Variants in CCNH observed in about 807,000 individuals in gnomAD.
CCNH encodes cyclin-H.
In CCNH, 31 loss-of-function variants were observed where a neutral mutation model predicts 41.9. That is an observed-to-expected ratio of 0.74 (90% CI 0.56 to 1.00). CCNH has a LOEUF of 1.00. CCNH is among the 50% of genes least tolerant of loss of function. The probability of loss-of-function intolerance (pLI) is 0.00; values close to 1 mark genes in which losing one functional copy is unlikely to be tolerated. For synonymous variants in CCNH, 138 were observed against 136.1 expected (o/e 1.01, Z -0.10); for missense variants, 362 against 388.4 (o/e 0.93, Z 0.57).
chr5:87,395,245 T>A lies in CCNH; in HGVS notation c.873-141A>T, dbSNP rs1400617087. 1.2e-5 allele frequency: 7 copies of A among 586,136 alleles called. No individual in the cohort carries two copies. The East Asian group carries it at 1.7e-4, about 14-fold the overall frequency. The allele number at this position is 586,136 out of a possible 1,614,324, so 36.3% of individuals were successfully genotyped here. ...GGATAAATGGAAAAAGATAAACAGC[T>A]ATGGGGTAGGGAAAATGATACTTTT... On this transcript the variant is annotated intron_variant, in intron 7 of 8. Transcript: ENST00000256897.
chr5:87,372,056 T>C (rs1345528773), downstream of CCNH: 6 of 1,437,002 alleles, frequency 4.2e-6, no homozygotes, highest in African/African-American at 7.3e-5. Flanking sequence ...AAAACCTAAC[T>C]GATGATTTGG....
chr5:87,405,278 C>G (rs1022704183), intron 4 of CCNH, among the ~76,000 whole-genome samples: 1 of 152,170 alleles, frequency 6.6e-6, no homozygotes, highest in South Asian at 2.1e-4. Context: ...AAATGCTTCT[C>G]TCAGGCAACC....
chr5:87,404,037 A>G (rs1198900767), intron 5 of CCNH, among the ~76,000 whole-genome samples: 1 of 152,258 alleles, frequency 6.6e-6, no homozygotes, highest in African/African-American at 2.4e-5. Context: ...TGCAGAGAAC[A>G]GGCATATCAT....
chr5:87,322,102 A>G (rs1362189628), intron 9 of CCNH, among the ~76,000 whole-genome samples: 1 of 152,116 alleles, frequency 6.6e-6, no homozygotes, highest in Non-Finnish European at 1.5e-5. Flanking sequence ...TGGATCCCTC[A>G]TGAATGGTTT....
chr5:87,398,204 T>C (rs1763112651), intron 7 of CCNH, among the ~76,000 whole-genome samples: 1 of 152,198 alleles, frequency 6.6e-6, no homozygotes, highest in Non-Finnish European at 1.5e-5. Context: ...ATAACTATAA[T>C]AAAACAACCT....
chr5:87,365,835 G>A (rs1174265279), intron 9 of CCNH, among the ~76,000 whole-genome samples: 2 of 151,898 alleles, frequency 1.3e-5, no homozygotes, highest in Admixed American at 1.3e-4. Flanking sequence ...CTGATGATGA[G>A]GCTTCACGAT....
downstream of CCNH, among the ~76,000 whole-genome samples, chr5:87,388,739 T>G (rs759740615): frequency 1.5e-4 from 23 of 152,194 alleles, no homozygotes; most frequent in Non-Finnish European, 1.2e-4. Context: ...TCATTGCATT[T>G]TCATAGTGCA....
chr5:87,401,265 C>A (rs1451622674), intron 6 of CCNH, among the ~76,000 whole-genome samples: 1 of 152,248 alleles, frequency 6.6e-6, no homozygotes, highest in African/African-American at 2.4e-5. Context: ...TTAATTCTTT[C>A]TCTGCTGTCT....
intron 9 of CCNH, among the ~76,000 whole-genome samples, chr5:87,370,631 G>C (rs1401952029): frequency 6.6e-6 from 1 of 152,114 alleles, no homozygotes; most frequent in Non-Finnish European, 1.5e-5. Context: ...CTGTAAGCCA[G>C]CCTAGGCAAC....
intron 9 of CCNH, among the ~76,000 whole-genome samples, chr5:87,329,575 T>C (rs765012538): frequency 2.0e-5 from 3 of 152,202 alleles, no homozygotes; most frequent in Non-Finnish European, 4.4e-5. Flanking sequence ...ATTTCAATGG[T>C]AAGTTCAAAA....
At chr5:87,355,506 A>G (rs971084217) in intron 9 of CCNH, among the ~76,000 whole-genome samples, 1 of 152,198 alleles carries the variant, frequency 6.6e-6, no homozygotes. Flanking sequence ...AATTCCTTTG[A>G]AAATGTTACT....
At chr5:87,335,720 C>T (rs1194291676) in intron 9 of CCNH, among the ~76,000 whole-genome samples, 2 of 152,164 alleles carry the variant, frequency 1.3e-5, no homozygotes, top group African/African-American at 4.8e-5. Context: ...GCCATCGTGG[C>T]TGGCCAAGAA....
chr5:87,331,526 C>T lies in CCNH; in HGVS notation c.*91-12629G>A, dbSNP rs778912354. The stretch of plus-strand genomic sequence containing the variant: ...GTAAGTCTTTATTCCTATTATGAAG[C>T]CAAATGATGTAGCTATTTTGATATA... On this transcript the variant is annotated intron_variant and NMD_transcript_variant, in intron 9 of 9. Coordinates refer to the CCNH transcript ENST00000645953. 3.1e-6 allele frequency: 5 copies of T among 1,605,746 alleles called. No individual in the cohort carries two copies. In the East Asian group the frequency reaches 8.9e-5, roughly 29 times the overall value.
At chr5:87,316,783 C>T (rs141766701), downstream of CCNH, among the ~76,000 whole-genome samples, 11 of 152,164 alleles carry the variant, frequency 7.2e-5, no homozygotes, top group East Asian at 1.9e-3. Context: ...CTGATTTCTT[C>T]TTGCATGTGA....
At chr5:87,406,947 T>C (rs1490151479) in intron 4 of CCNH, among the ~76,000 whole-genome samples, 1 of 152,212 alleles carries the variant, frequency 6.6e-6, no homozygotes, top group Admixed American at 6.5e-5. Context: ...TTTAAACCTT[T>C]CACTAGCTTC....
At chr5:87,355,267 G>C (rs1240206930) in intron 9 of CCNH, among the ~76,000 whole-genome samples, 1 of 152,116 alleles carries the variant, frequency 6.6e-6, no homozygotes, top group Non-Finnish European at 1.5e-5. Flanking sequence ...AAGCTTCAAA[G>C]GTCAGGCTGA....
intron 1 of CCNH, 80 bp downstream of exon 1, chr5:87,412,598 G>A: frequency 6.4e-7 from 1 of 1,567,644 alleles, no homozygotes; most frequent in Non-Finnish European, 8.7e-7. Context: ...GAGCGAGATT[G>A]TCCTGGGAGC....
chr5:87,412,025 A>G (rs1190911381), intron 1 of CCNH, among the ~76,000 whole-genome samples: 1 of 152,220 alleles, frequency 6.6e-6, no homozygotes. Context: ...CTTGGTTTGT[A>G]CTTGGTCTCT....
intron 9 of CCNH, among the ~76,000 whole-genome samples, chr5:87,361,593 T>C (rs1760094431): frequency 1.3e-5 from 2 of 152,182 alleles, no homozygotes; most frequent in South Asian, 2.1e-4. Context: ...AAATTGAAGA[T>C]TCATTTATTC....
Sources: allele counts gnomAD v4.1 joint callset (sites outside exome capture counted in the v4.1 genomes callset), GRCh38; gene constraint gnomAD v4.1.1; transcripts MANE v1.5; gene names NCBI Gene and HGNC (gene_info 2026-07-23, HGNC 2026-07-21).